The following TAX1BP3 variants were observed in gnomAD, a reference collection of about 807,000 sequenced individuals.
TAX1BP3 encodes tax1-binding protein 3.
In TAX1BP3, 13 loss-of-function variants were observed where a neutral mutation model predicts 15.3. That is an observed-to-expected ratio of 0.85 (90% CI 0.55 to 1.35). TAX1BP3 has a LOEUF of 1.35. TAX1BP3 is among the 40% of genes most tolerant of loss of function. TAX1BP3 has a pLI of 0.00. For missense variants in TAX1BP3, 147 were observed against 169.6 expected (o/e 0.87, Z 0.74); for synonymous variants, 70 against 66.0 (o/e 1.06, Z -0.30).
intron 1 of TAX1BP3, 151 bp from the exon 2 acceptor site, chr17:3,664,949 G>T: frequency 8.4e-7 from 1 of 1,183,470 alleles, no homozygotes; most frequent in Non-Finnish European, 1.2e-6. Context: ...AGGCTGAGGA[G>T]CTGGCACTCA....
intron 2 of TAX1BP3, 62 bp from the exon 3 acceptor site, chr17:3,664,334 G>A (rs1288053675): frequency 4.5e-5 from 71 of 1,589,598 alleles, no homozygotes; most frequent in Admixed American, 1.0e-4. Context: ...ATCACACAGC[G>A]GAAGCCAGCA....
In TAX1BP3 at chr17:3,663,669, A is replaced by C. The variant is rs2076306565; in HGVS notation, c.*79T>G. 1 of 1,525,330 alleles carries C rather than the reference A, an allele frequency of 6.6e-7. No homozygotes were observed. The highest frequency in any genetic ancestry group is 1.3e-5 in the African/African-American group (1 of 74,080). The allele number at this position is 1,525,330 out of a possible 1,614,324, so 94.5% of individuals were successfully genotyped here. On this transcript the variant is annotated 3_prime_UTR_variant, in exon 4 of 4. Coordinates refer to ENST00000225525, the MANE Select transcript of TAX1BP3 (RefSeq NM_014604.4). ...GAGCTGGGGCCCAGCGGTCAGCAGA[A>C]GCCAGATGGGGACAGAGTGTGGAAG...
chr17:3,664,488 T>C (rs2076316899), intron 2 of TAX1BP3, 191 bp downstream of exon 2: 3 of 967,050 alleles, frequency 3.1e-6, no homozygotes, highest in Non-Finnish European at 1.6e-6. Context: ...CTGCTCCTCC[T>C]GGGCTCTGTC....
chr17:3,664,366 T>C (rs779822780), intron 2 of TAX1BP3, 94 bp from the exon 3 acceptor site: 127 of 1,430,958 alleles, frequency 8.9e-5, no homozygotes, highest in Non-Finnish European at 1.1e-4. Flanking sequence ...CAGCCGTCCC[T>C]CTGTCCCTGC....
chr17:3,666,650 A>G (rs1291142733), intron 1 of TAX1BP3, among the ~76,000 whole-genome samples: 1 of 152,106 alleles, frequency 6.6e-6, no homozygotes, highest in Non-Finnish European at 1.5e-5. Flanking sequence ...GGGACTGGGG[A>G]GTGAGCCTGC....
Position 3,663,752 on chromosome 17 carries a change from G to A in TAX1BP3, c.371C>T (p.Ser124Phe). ...LQKAVQQSML[S>F] is the part of the protein sequence containing the mutation. ...AGTCGCAGATGGTGGTGGCTGCTAG[G>A]ACAGCATGGACTGCTGCACGGCCTT... The change falls in exon 4 of 4, where the codon TCC becomes TTC. Residue 124 changes from serine (S) to phenylalanine (F), a missense_variant. Coordinates refer to ENST00000225525, the MANE Select transcript of TAX1BP3 (RefSeq NM_014604.4). 1 of 1,603,228 alleles carries A rather than the reference G, an allele frequency of 6.2e-7. No individual in the cohort carries two copies. Among genetic ancestry groups the A allele is most frequent in the Non-Finnish European group, 8.5e-7 (1 of 1,178,492 alleles).
chr17:3,667,463 C>T (rs572345332), intron 1 of TAX1BP3, among the ~76,000 whole-genome samples: 1 of 152,234 alleles, frequency 6.6e-6, no homozygotes, highest in Admixed American at 6.5e-5. Context: ...AGCTCAGCCT[C>T]ACTTGTCGCC....
In TAX1BP3 at chr17:3,663,688, G is replaced by A; in HGVS notation, c.*60C>T. On this transcript the variant is annotated 3_prime_UTR_variant, in exon 4 of 4. Transcript: ENST00000225525. ...AGCAGAAGCCAGATGGGGACAGAGT[G>A]TGGAAGTGGCGTTACTGTACAGAGA... The A allele has an allele frequency of 6.4e-7, 1 of 1,557,310 alleles. No individual in the cohort carries two copies. Among genetic ancestry groups the A allele is most frequent in the Non-Finnish European group, 8.7e-7 (1 of 1,152,862 alleles).
At chr17:3,664,578 A>G in intron 2 of TAX1BP3, 101 bp downstream of exon 2, 1 of 1,481,264 alleles carries the variant, frequency 6.8e-7, no homozygotes, top group Non-Finnish European at 9.4e-7. Context: ...ATGGTTTGAG[A>G]GATGAAGTCT....
At chr17:3,665,364 C>G in intron 1 of TAX1BP3, 1 of 1,363,408 alleles carries the variant, frequency 7.3e-7, no homozygotes, top group Non-Finnish European at 1.0e-6. Flanking sequence ...GGGTACTGTT[C>G]AAAAAGGAAT....
intron 1 of TAX1BP3, 121 bp from the exon 2 acceptor site, chr17:3,664,919 C>T: frequency 7.1e-7 from 1 of 1,403,464 alleles, no homozygotes; most frequent in Non-Finnish European, 9.6e-7. Flanking sequence ...TGCAGGAATC[C>T]AGCTGCTCAC....
rs771426320 is a variant in TAX1BP3, at chr17:3,663,706, TAC to T, written c.*40_*41del. 13 of 1,583,170 alleles carry T rather than the reference TAC, an allele frequency of 8.2e-6. No homozygotes were observed. The South Asian group carries it at 1.5e-4, about 18-fold the overall frequency. On this transcript the variant is annotated 3_prime_UTR_variant, in exon 4 of 4. Transcript: ENST00000225525. Reference sequence around the variant, plus strand: ...ACAGAGTGTGGAAGTGGCGTTACTGTACAGAGAGGCGGCAGGCAGGAGTCGCA... The same window carrying T: ...ACAGAGTGTGGAAGTGGCGTTACTGTAGAGAGGCGGCAGGCAGGAGTCGCA...
chr17:3,665,160 G>T, intron 1 of TAX1BP3: 1 of 846,866 alleles, frequency 1.2e-6, no homozygotes. Context: ...AACTTGCATA[G>T]AAAGGAGAGG....
intron 1 of TAX1BP3, chr17:3,665,672 G>A (rs2076331888): frequency 7.6e-6 from 7 of 921,480 alleles, no homozygotes; most frequent in Non-Finnish European, 1.0e-5. Context: ...CTGAGCTGCT[G>A]GAACCTATTC....
rs757649179 is a variant in TAX1BP3 at position 3,663,842 on chromosome 17, C to T, written c.281G>A (p.Arg94His). The change falls in exon 4 of 4, where the codon CGC becomes CAC. Residue 94 changes from arginine to histidine, a missense_variant. Physicochemically the swap from Arg to His is conservative, Grantham distance 29. Coordinates refer to ENST00000225525, the MANE Select transcript of TAX1BP3 (RefSeq NM_014604.4). ...DMTMVTHDQA[R>H]KRLTKRSEEV... ...CTCCGAGCGCTTGGTGAGCCGCTTG[C>T]GGGCCTGGTCGTGTGTGACCATGGT... 63 of 1,609,306 alleles carry T rather than the reference C, an allele frequency of 3.9e-5. No individual in the cohort carries two copies. Among genetic ancestry groups the T allele is most frequent in the Non-Finnish European group, 5.1e-5 (60 of 1,179,950 alleles).
intron 3 of TAX1BP3, 101 bp from the exon 4 acceptor site, chr17:3,663,986 C>G: frequency 6.6e-7 from 1 of 1,508,590 alleles, no homozygotes; most frequent in Non-Finnish European, 8.9e-7. Flanking sequence ...AGGCCCCCAG[C>G]CTAACATCCC....
intron 1 of TAX1BP3, among the ~76,000 whole-genome samples, chr17:3,666,570 A>G (rs2076341048): frequency 6.6e-6 from 1 of 152,184 alleles, no homozygotes; most frequent in African/African-American, 2.4e-5. Flanking sequence ...AGATGGATCT[A>G]TGGAGCCAGG....
intron 3 of TAX1BP3, 122 bp from the exon 4 acceptor site, chr17:3,664,007 G>A: frequency 6.8e-7 from 1 of 1,471,260 alleles, no homozygotes. Context: ...AGGGCTGGGA[G>A]ACACCAAGCA....
rs571818284 is a variant in TAX1BP3, at chr17:3,663,562, C to T, written c.*186G>A. On this transcript the variant is annotated 3_prime_UTR_variant, in exon 4 of 4. Coordinates refer to ENST00000225525, the MANE Select transcript of TAX1BP3 (RefSeq NM_014604.4). ...AATCCTCGGTGTCCAGGAGAGAAAG[C>T]CGGTCCCAGAGGCCCCAGGCCAGGG... 1.6e-5 allele frequency: 13 copies of T among 810,172 alleles called. No individual in the cohort carries two copies. The highest frequency in any genetic ancestry group is 1.2e-4 in the African/African-American group (7 of 57,526). 50.2% of individuals were successfully genotyped at this position (810,172 alleles called of 1,614,324 possible). A position where few individuals can be genotyped will look rare whatever the true frequency, so the allele number is the denominator to read the frequency against.
Sources: gnomAD v4.1 joint callset for allele counts (sites outside exome capture counted in the v4.1 genomes callset) on GRCh38, gnomAD v4.1.1 for gene constraint, MANE v1.5 for transcripts, NCBI Gene and HGNC (gene_info 2026-07-23, HGNC 2026-07-21) for gene names.